SDC4: variants seen among roughly 807,000 people sequenced by gnomAD.
SDC4 encodes syndecan 4.
SDC4 carries 17 observed loss-of-function variants against 20.5 expected under a neutral mutation model. That is an observed-to-expected ratio of 0.83 (90% CI 0.57 to 1.25). The LOEUF (loss-of-function observed/expected upper bound fraction) is 1.25. SDC4 is among the 50% of genes most tolerant of loss of function. The probability of loss-of-function intolerance (pLI) is 0.00; values close to 1 mark genes in which losing one functional copy is unlikely to be tolerated. For missense variants in SDC4, 241 were observed against 252.3 expected, an observed-to-expected ratio of 0.96 and a Z score of 0.30; for synonymous variants, 107 against 105.3, an observed-to-expected ratio of 1.02 and a Z score of -0.10.
intron 2 of SDC4, among the ~76,000 whole-genome samples, chr20:45,334,148 T>C (rs996104797): frequency 6.6e-6 from 1 of 151,642 alleles, no homozygotes; most frequent in Non-Finnish European, 1.5e-5. Context: ...GGGTGCACCA[T>C]GACACCCAGC....
intron 1 of SDC4, among the ~76,000 whole-genome samples, chr20:45,338,617 GAATTACCTCC>G (rs1987910142): frequency 6.6e-6 from 1 of 152,204 alleles, no homozygotes; most frequent in African/African-American, 2.4e-5. Context: ...TGGCTGTTAG[GAATTACCTCC>G]GTTTTACATT....
At chr20:45,339,365 G>A (rs1419011860) in intron 1 of SDC4, among the ~76,000 whole-genome samples, 1 of 152,238 alleles carries the variant, frequency 6.6e-6, no homozygotes, top group Non-Finnish European at 1.5e-5. Context: ...AGGCATGTGT[G>A]TTCGTGTGTA....
intron 2 of SDC4, among the ~76,000 whole-genome samples, chr20:45,333,739 C>G (rs1369572737): frequency 6.6e-6 from 1 of 152,118 alleles, no homozygotes. Context: ...GGGCTCGTAA[C>G]AATATATCAT....
intron 1 of SDC4, among the ~76,000 whole-genome samples, chr20:45,337,061 A>C (rs6032123): frequency 6.6e-6 from 1 of 152,120 alleles, no homozygotes; most frequent in Non-Finnish European, 1.5e-5. Context: ...CCGCTTGCCA[A>C]AAGAAAGTGT....
In SDC4 at chr20:45,325,434, G is replaced by C. The variant is rs1987667374; in HGVS notation, c.*1830C>G. Reference sequence around the variant, plus strand: ...GGCAGAAGAGGACCCAGCCAGCTGGGACCCTGGGTTGCAGTGGTGACGGGA... The same window carrying C: ...GGCAGAAGAGGACCCAGCCAGCTGGCACCCTGGGTTGCAGTGGTGACGGGA... On this transcript the variant is annotated 3_prime_UTR_variant, in exon 5 of 5. Transcript: ENST00000372733. 6.5e-6 allele frequency: 1 copy of C among 152,782 alleles called. No homozygotes were observed. The highest frequency in any genetic ancestry group is 1.5e-5 in the Non-Finnish European group (1 of 68,154). 9.5% of individuals were successfully genotyped at this position (152,782 alleles called of 1,614,324 possible).
intron 1 of SDC4, among the ~76,000 whole-genome samples, chr20:45,346,249 T>A (rs1435030924): frequency 1.3e-5 from 2 of 151,978 alleles, no homozygotes; most frequent in African/African-American, 4.8e-5. Context: ...CCAACCACAA[T>A]CTAGAAAAGA....
At chr20:45,332,160 CTTTTT>C (rs60632364) in intron 3 of SDC4, among the ~76,000 whole-genome samples, 3 of 140,076 alleles carry the variant, frequency 2.1e-5, no homozygotes, top group African/African-American at 2.6e-5. Flanking sequence ...TATATATATA[CTTTTT>C]TTTTTTTTTT....
At chr20:45,328,915 C>T (rs1180961476) in intron 4 of SDC4, among the ~76,000 whole-genome samples, 2 of 152,138 alleles carry the variant, frequency 1.3e-5, no homozygotes, top group Non-Finnish European at 2.9e-5. Context: ...CTCTGATGAC[C>T]CCAGTTCCTC....
chr20:45,337,081 C>T (rs983618787), intron 1 of SDC4, among the ~76,000 whole-genome samples: 2 of 152,106 alleles, frequency 1.3e-5, no homozygotes, highest in Non-Finnish European at 2.9e-5. Context: ...TCAAAGGTCC[C>T]GGGCAGCCCT....
At chr20:45,340,486 C>A (rs979351888) in intron 1 of SDC4, among the ~76,000 whole-genome samples, 2 of 152,218 alleles carry the variant, frequency 1.3e-5, no homozygotes, top group African/African-American at 4.8e-5. Context: ...TTCTCTCCAG[C>A]CTAACCCGCC....
In SDC4 at chr20:45,326,088, A is replaced by G. The variant is rs1189407204; in HGVS notation, c.*1176T>C. 4 of 147,270 alleles carry G rather than the reference A, an allele frequency of 2.7e-5. No homozygotes were observed. The Admixed American group carries it at 2.8e-4, about 10-fold the overall frequency. 9.1% of individuals were successfully genotyped at this position (147,270 alleles called of 1,614,324 possible). ...AGCAACATCAAACTGGAAACACCAC[A>G]CTATTTCCTGAAAAAAATATATTTA... On this transcript the variant is annotated 3_prime_UTR_variant, in exon 5 of 5. Transcript: ENST00000372733.
Position 45,335,845 on chromosome 20 carries a change from C to T in SDC4, c.136G>A (p.Glu46Lys). ...RYFSGALPDDEDVVGPGQESD... is the reference protein window; with the variant it reads ...RYFSGALPDDKDVVGPGQESD... ...TCCTGCCCGGGCCCCACTACATCCT[C>T]ATCGTCTGGTAGGGCTCCGGAGAAG... Residue 46 changes from glutamate to lysine, a missense_variant, in exon 2 of 5, where the codon GAG becomes AAG. By Grantham distance (56) the Glu-to-Lys change is moderately conservative (BLOSUM62 1). Coordinates refer to ENST00000372733, the MANE Select transcript of SDC4 (RefSeq NM_002999.4). The T allele has an allele frequency of 6.2e-7, 1 of 1,614,114 alleles. No homozygotes were observed. Among genetic ancestry groups the T allele is most frequent in the South Asian group, 1.1e-5 (1 of 91,082 alleles).
chr20:45,327,056 C>T lies in SDC4; in HGVS notation c.*208G>A, dbSNP rs1189230628. 5.8e-6 allele frequency: 3 copies of T among 516,800 alleles called. No homozygotes were observed. The highest frequency in any genetic ancestry group is 1.0e-5 in the Non-Finnish European group (3 of 295,558). 32.0% of individuals were successfully genotyped at this position (516,800 alleles called of 1,614,324 possible). On this transcript the variant is annotated 3_prime_UTR_variant, in exon 5 of 5. Transcript: ENST00000372733. ...GAAAGGCCAAGTTGAATCCATTTTT[C>T]TGCCAGGGCAACTGAGGCCCAAAGC...
At chr20:45,330,611 G>C in intron 3 of SDC4, 47 bp from the exon 4 acceptor site, 4 of 1,550,596 alleles carry the variant, frequency 2.6e-6, no homozygotes, top group Non-Finnish European at 3.6e-6. Flanking sequence ...TTTTGGAAGA[G>C]ACTCAGGGCA....
intron 1 of SDC4, among the ~76,000 whole-genome samples, chr20:45,347,162 G>C (rs1298371084): frequency 6.6e-6 from 1 of 152,154 alleles, no homozygotes; most frequent in Non-Finnish European, 1.5e-5. Context: ...GTATTGCCTA[G>C]GGTCTCATTC....
At chr20:45,342,609 A>C (rs115768922) in intron 1 of SDC4, among the ~76,000 whole-genome samples, 5 of 151,778 alleles carry the variant, frequency 3.3e-5, no homozygotes, top group African/African-American at 9.7e-5. Context: ...GGTGAGATGC[A>C]GCCTGAAGGG....
chr20:45,344,434 T>C (rs1362697475), intron 1 of SDC4, among the ~76,000 whole-genome samples: 2 of 152,194 alleles, frequency 1.3e-5, no homozygotes, highest in Non-Finnish European at 2.9e-5. Context: ...TACGCTAGCA[T>C]GCAGTGACTC....
At position 45,330,426 on chromosome 20, in the gene SDC4, C is replaced by A. The variant is rs780907475; in HGVS notation, c.385G>T (p.Val129Leu). 6.2e-7 allele frequency: 1 copy of A among 1,614,212 alleles called. No individual in the cohort carries two copies. The highest frequency in any genetic ancestry group is 8.5e-7 in the Non-Finnish European group (1 of 1,180,040). ...CCCTGCACAGTGCTGGACATTGACACCTTGTTGGACACATCCTCACTCTCT... is the reference window on the plus strand; with the variant it reads ...CCCTGCACAGTGCTGGACATTGACAACTTGTTGGACACATCCTCACTCTCT... Reference protein sequence around the residue: ...VEESEDVSNKVSMSSTVQGSN... With the variant: ...VEESEDVSNKLSMSSTVQGSN... Residue 129 changes from valine (V) to leucine (L), a missense_variant, in exon 4 of 5, where the codon GTG becomes TTG. Coordinates refer to ENST00000372733, the MANE Select transcript of SDC4 (RefSeq NM_002999.4).
chr20:45,328,384 C>A (rs1240677662), intron 4 of SDC4, among the ~76,000 whole-genome samples: 1 of 152,210 alleles, frequency 6.6e-6, no homozygotes, highest in Non-Finnish European at 1.5e-5. Flanking sequence ...AATTAATCCA[C>A]TCAAAGTGCT....
Sources: gnomAD v4.1 joint callset for allele counts (sites outside exome capture counted in the v4.1 genomes callset) on GRCh38, gnomAD v4.1.1 for gene constraint, MANE v1.5 for transcripts, NCBI Gene and HGNC (gene_info 2026-07-23, HGNC 2026-07-21) for gene names.